TDG: variants seen among roughly 807,000 people sequenced by gnomAD.
The protein encoded by TDG is G/T mismatch-specific thymine DNA glycosylase.
In TDG, 23 loss-of-function variants were observed where a neutral mutation model predicts 46.1. The ratio of observed to expected loss-of-function variants is 0.50; its 90% CI spans 0.36 to 0.71. The LOEUF (loss-of-function observed/expected upper bound fraction) is 0.71, where lower values mean the gene tolerates loss of function less well. Ranked by LOEUF, TDG falls within the 30% of genes least tolerant of loss-of-function variation. The pLI is 0.00. For missense variants in TDG, 304 were observed against 486.7 expected (o/e 0.62, Z 3.53); for synonymous variants, 115 against 161.3 (o/e 0.71, Z 2.18).
At chr12:103,978,607 G>A (rs1055473329) in intron 2 of TDG, among the ~76,000 whole-genome samples, 10 of 152,184 alleles carry the variant, frequency 6.6e-5, no homozygotes, top group African/African-American at 1.7e-4. Context: ...TGTATCCTGC[G>A]AGGCTTGATT....
rs1388206997 is a variant in TDG at position 103,988,081 on chromosome 12, G to A, written c.*991G>A. ...TTCTTTATCTGCATCATTGCTGTTT[G>A]TTACTATAAATTAAATGAACCTCAT... On this transcript the variant is annotated 3_prime_UTR_variant, in exon 10 of 10. Transcript: ENST00000392872. The A allele has an allele frequency of 6.5e-6, 1 of 152,728 alleles. No individual in the cohort carries two copies. The highest frequency in any genetic ancestry group is 1.5e-5 in the Non-Finnish European group (1 of 68,056). 9.5% of individuals were successfully genotyped at this position (152,728 alleles called of 1,614,324 possible).
At chr12:103,972,892 A>G in intron 1 of TDG, 1 of 615,902 alleles carries the variant, frequency 1.6e-6, no homozygotes, top group Non-Finnish European at 2.9e-6. Context: ...AAAGTTTTGA[A>G]AAATTTTTTT....
At chr12:103,975,851 G>A (rs1026277041) in intron 1 of TDG, among the ~76,000 whole-genome samples, 14 of 150,298 alleles carry the variant, frequency 9.3e-5, no homozygotes, top group East Asian at 3.9e-4. Flanking sequence ...TAGTAGAGGC[G>A]GGGTTTTGCC....
intron 2 of TDG, among the ~76,000 whole-genome samples, chr12:103,978,074 AAAAC>A (rs1871625962): frequency 6.6e-6 from 1 of 152,094 alleles, no homozygotes; most frequent in Non-Finnish European, 1.5e-5. Flanking sequence ...AACAAAAACA[AAAAC>A]AAAAACAAAA....
At chr12:103,980,638 G>C (rs1340065374) in intron 3 of TDG, 1 of 353,754 alleles carries the variant, frequency 2.8e-6, no homozygotes, top group Non-Finnish European at 5.1e-6. Context: ...GTGAGGGTGC[G>C]AGGCCTGGGA....
chr12:103,972,910 A>T (rs1412240469), intron 1 of TDG: 1 of 640,054 alleles, frequency 1.6e-6, no homozygotes, highest in Admixed American at 2.6e-5. Flanking sequence ...TTTAAAGTAA[A>T]GAATCCTGTT....
chr12:103,974,550 G>C lies in TDG; in HGVS notation c.24-2368G>C, dbSNP rs568724694. Among the ~76,000 whole-genome samples the C allele has an allele frequency of 1.2e-4, 19 of 152,124 alleles. No individual in the cohort carries two copies. The South Asian group carries it at 3.5e-3, about 28-fold the overall frequency. ...CCCGCCTTGCCCTCCCAAAGCACTA[G>C]GATTACAGACATAAGCCACCGTGCC... On this transcript the variant is annotated intron_variant, in intron 1 of 9. Transcript: ENST00000392872.
intron 8 of TDG, among the ~76,000 whole-genome samples, chr12:103,985,166 T>TACATAC (rs1555275231): frequency 0.11 from 15,764 of 138,128 alleles, 994 homozygotes; most frequent in Non-Finnish European, 0.15. Flanking sequence ...TATAGACACA[T>TACATAC]ACACACACAC....
At position 103,979,824 on chromosome 12, in the gene TDG, A is replaced by G. The variant is rs200258419; in HGVS notation, c.167-7A>G. ...TTCTGCATTTCTGGAAATTATTTGT[A>G]TTTCAGAGGCTCCAAAAGGAAGAAA... On this transcript the variant is annotated splice_polypyrimidine_tract_variant and splice_region_variant and intron_variant, in intron 2 of 9. Coordinates refer to ENST00000392872, the MANE Select transcript of TDG (RefSeq NM_003211.6). 6.9e-7 allele frequency: 1 copy of G among 1,449,088 alleles called. No homozygotes were observed. The highest frequency in any genetic ancestry group is 2.5e-5 in the East Asian group (1 of 39,566). The allele number at this position is 1,449,088 out of a possible 1,614,324, so 89.8% of individuals were successfully genotyped here. A position where few individuals can be genotyped will look rare whatever the true frequency, so the allele number is the denominator to read the frequency against.
At position 103,982,844 on chromosome 12, in the gene TDG, A is replaced by G; in HGVS notation, c.524A>G (p.His175Arg). Residue 175 changes from histidine (H) to arginine (R), a missense_variant, in exon 5 of 10, where the codon CAT (histidine) becomes CGT (arginine). Coordinates refer to ENST00000392872, the MANE Select transcript of TDG (RefSeq NM_003211.6). ...GGGCTCAGTGAGGTCCAGCTGAACC[A>G]TATGGATGATCACACTCTACCAGGG... ...MSGLSEVQLN[H>R]MDDHTLPGKY... 6.2e-7 allele frequency: 1 copy of G among 1,614,026 alleles called. No individual in the cohort carries two copies. Among genetic ancestry groups the G allele is most frequent in the Non-Finnish European group, 8.5e-7 (1 of 1,180,046 alleles).
At chr12:103,981,239 T>C (rs1871811748) in intron 4 of TDG, among the ~76,000 whole-genome samples, 2 of 144,424 alleles carry the variant, frequency 1.4e-5, no homozygotes, top group Non-Finnish European at 3.0e-5. Context: ...TTTTTTTTTT[T>C]TTTTTTTTTT....
intron 1 of TDG, among the ~76,000 whole-genome samples, chr12:103,969,814 G>A (rs1417990232): frequency 6.6e-6 from 1 of 152,136 alleles, no homozygotes; most frequent in Non-Finnish European, 1.5e-5. Flanking sequence ...TGAGCAAGTT[G>A]GTAGCCCTGC....
chr12:103,976,860 T>C, intron 1 of TDG, 58 bp from the exon 2 acceptor site: 1 of 1,599,060 alleles, frequency 6.3e-7, no homozygotes. Flanking sequence ...CAGCTGATCA[T>C]TTGGATTTAC....
intron 1 of TDG, among the ~76,000 whole-genome samples, chr12:103,974,256 A>G (rs936314016): frequency 7.7e-6 from 1 of 129,684 alleles, no homozygotes; most frequent in Non-Finnish European, 1.6e-5. Flanking sequence ...TTTAAAGTGT[A>G]CTCATTTGCC....
intron 1 of TDG, among the ~76,000 whole-genome samples, chr12:103,973,554 TC>T: frequency 6.6e-6 from 1 of 152,180 alleles, no homozygotes; most frequent in Admixed American, 6.6e-5. Flanking sequence ...GCTCAAGACT[TC>T]CAGATCTAAC....
chr12:103,967,457 T>C (rs1303683341), intron 1 of TDG, among the ~76,000 whole-genome samples: 1 of 25,056 alleles, frequency 4.0e-5, no homozygotes, highest in Non-Finnish European at 6.6e-5. Flanking sequence ...ATAAATTTAC[T>C]TTTTTTTTTT....
intron 1 of TDG, 26 bp from the exon 2 acceptor site, chr12:103,976,892 C>T (rs1033120454): frequency 1.9e-6 from 3 of 1,611,316 alleles, no homozygotes; most frequent in African/African-American, 2.7e-5. Flanking sequence ...TTTATCATTA[C>T]ATCTCATGCT....
intron 4 of TDG, among the ~76,000 whole-genome samples, chr12:103,982,057 T>C (rs980429537): frequency 6.6e-6 from 1 of 152,184 alleles, no homozygotes; most frequent in Non-Finnish European, 1.5e-5. Context: ...GCGTAACTAC[T>C]GTTGCATTGC....
In TDG at chr12:103,982,861, C is replaced by G. The variant is rs751965396; in HGVS notation, c.541C>G (p.Leu181Val). The G allele has an allele frequency of 4.3e-6, 7 of 1,613,974 alleles. No homozygotes were observed. Among genetic ancestry groups the G allele is most frequent in the South Asian group, 1.1e-5 (1 of 91,074 alleles). ...GCTGAACCATATGGATGATCACACT[C>G]TACCAGGGAAGTATGGTATTGGATT... ...VQLNHMDDHT[L>V]PGKYGIGFTN... Residue 181 changes from leucine (L) to valine (V), a missense_variant, in exon 5 of 10, where the codon CTA becomes GTA. Physicochemically the swap from Leu to Val is conservative, Grantham distance 32. Transcript: ENST00000392872.
Sources: gnomAD v4.1 joint callset for allele counts (sites outside exome capture counted in the v4.1 genomes callset) on GRCh38, gnomAD v4.1.1 for gene constraint, MANE v1.5 for transcripts, NCBI Gene and HGNC (gene_info 2026-07-23, HGNC 2026-07-21) for gene names.